CADPS2: variants seen among roughly 807,000 people sequenced by gnomAD.
CADPS2 encodes calcium dependent secretion activator 2.
A neutral mutation model predicts 172.5 loss-of-function variants in CADPS2; 93 were observed. That is an observed-to-expected ratio of 0.54 (90% CI 0.46 to 0.64). The LOEUF (loss-of-function observed/expected upper bound fraction) is 0.64, where lower values mean the gene tolerates loss of function less well. Ranked by LOEUF, CADPS2 falls within the 30% of genes least tolerant of loss-of-function variation. CADPS2 has a pLI of 0.00. For missense variants in CADPS2, 1,420 were observed against 1,565.9 expected (o/e 0.91, Z 1.57); for synonymous variants, 546 against 555.2 (o/e 0.98, Z 0.23).
At chr7:122,848,397 A>C (rs1175527275) in intron 1 of CADPS2, among the ~76,000 whole-genome samples, 1 of 152,176 alleles carries the variant, frequency 6.6e-6, no homozygotes, top group African/African-American at 2.4e-5. Flanking sequence ...AAACACTTGC[A>C]CAGCCTCCTA....
At chr7:122,854,196 C>T (rs773861884) in intron 1 of CADPS2, among the ~76,000 whole-genome samples, 3 of 151,922 alleles carry the variant, frequency 2.0e-5, no homozygotes, top group Admixed American at 6.6e-5. Flanking sequence ...CTGGTCTCCA[C>T]AAAAAATACA....
At chr7:122,570,654 C>G (rs1171721682) in intron 7 of CADPS2, among the ~76,000 whole-genome samples, 5 of 150,872 alleles carry the variant, frequency 3.3e-5, no homozygotes, top group Admixed American at 2.6e-4. Context: ...CAATGATAGA[C>G]TGGATTAAGA....
At chr7:122,380,644 G>C (rs1330988398) in intron 24 of CADPS2, among the ~76,000 whole-genome samples, 1 of 152,072 alleles carries the variant, frequency 6.6e-6, no homozygotes. Flanking sequence ...GATAATTTTG[G>C]AGTGTCTGAA....
chr7:122,641,664 GACTTAC>G (rs1373599241), intron 3 of CADPS2, among the ~76,000 whole-genome samples: 1 of 152,084 alleles, frequency 6.6e-6, no homozygotes, highest in Admixed American at 6.5e-5. Flanking sequence ...CACATCTTCA[GACTTAC>G]ACTTACAGAG....
chr7:122,361,744 C>T (rs1351448751), intron 25 of CADPS2, among the ~76,000 whole-genome samples: 1 of 151,410 alleles, frequency 6.6e-6, no homozygotes, highest in Non-Finnish European at 1.5e-5. Flanking sequence ...CATCCTTCAA[C>T]TTTTTCTACA....
At chr7:122,451,129 CAAGT>C (rs1586173805) in intron 15 of CADPS2, among the ~76,000 whole-genome samples, 1 of 151,940 alleles carries the variant, frequency 6.6e-6, no homozygotes, top group East Asian at 1.9e-4. Context: ...ATGCAAAAGG[CAAGT>C]AAGAGGTGCA....
At chr7:122,661,665 T>C (rs1203804153) in intron 3 of CADPS2, among the ~76,000 whole-genome samples, 1 of 152,182 alleles carries the variant, frequency 6.6e-6, no homozygotes, top group Non-Finnish European at 1.5e-5. Context: ...TGCAAATAAA[T>C]GACTTTTCTT....
intron 1 of CADPS2, among the ~76,000 whole-genome samples, chr7:122,761,016 C>G (rs577549853): frequency 1.3e-5 from 2 of 152,240 alleles, no homozygotes; most frequent in East Asian, 3.9e-4. Context: ...ACTTCTGGCA[C>G]TGTATGGGTA....
At chr7:122,850,850 C>T (rs1033515859) in intron 1 of CADPS2, among the ~76,000 whole-genome samples, 1 of 152,218 alleles carries the variant, frequency 6.6e-6, no homozygotes, top group African/African-American at 2.4e-5. Flanking sequence ...CTGTGGCTAA[C>T]ACCAGCATTT....
intron 1 of CADPS2, among the ~76,000 whole-genome samples, chr7:122,839,065 T>C (rs1378085127): frequency 6.6e-6 from 1 of 152,298 alleles, no homozygotes; most frequent in Non-Finnish European, 1.5e-5. Flanking sequence ...AGCACGGTGC[T>C]GGTACCAAAA....
chr7:122,611,675 A>G lies in CADPS2; in HGVS notation c.1223+3506T>C, dbSNP rs555005324. On this transcript the variant is annotated intron_variant, in intron 6 of 29. Coordinates refer to ENST00000449022, the MANE Select transcript of CADPS2 (RefSeq NM_017954.11). Reference sequence around the variant, plus strand: ...CTTTTAAAAAATACAAATTCTTCATACCTTTGAAAAAAATTGAAGGGTCCA... The same window carrying G: ...CTTTTAAAAAATACAAATTCTTCATGCCTTTGAAAAAAATTGAAGGGTCCA... Among the ~76,000 whole-genome samples, 230 of 152,066 alleles carry G rather than the reference A, an allele frequency of 1.5e-3. 1 individual carries two copies. Among genetic ancestry groups the G allele is most frequent in the Admixed American group, 4.3e-3 (66 of 15,238 alleles).
chr7:122,365,609 AT>A (rs1457883223), intron 25 of CADPS2, among the ~76,000 whole-genome samples: 1 of 152,132 alleles, frequency 6.6e-6, no homozygotes, highest in African/African-American at 2.4e-5. Flanking sequence ...ATAAACACTT[AT>A]GGGTTTGCCT....
At chr7:122,714,610 T>C (rs2089311481) in intron 2 of CADPS2, among the ~76,000 whole-genome samples, 1 of 152,062 alleles carries the variant, frequency 6.6e-6, no homozygotes, top group Admixed American at 6.6e-5. Flanking sequence ...AACAAATACA[T>C]ACAAGATGGG....
At chr7:122,732,853 ATAT>A (rs1378680108) in intron 2 of CADPS2, among the ~76,000 whole-genome samples, 8 of 145,168 alleles carry the variant, frequency 5.5e-5, no homozygotes, top group Admixed American at 3.5e-4. Context: ...TATGCTATGT[ATAT>A]TATATGATAT....
chr7:122,320,972 G>A (rs2032329975), intron 29 of CADPS2, among the ~76,000 whole-genome samples: 2 of 152,072 alleles, frequency 1.3e-5, no homozygotes, highest in Non-Finnish European at 1.5e-5. Context: ...CCATAGATGG[G>A]ACAGCAAAAC....
chr7:122,370,228 T>C (rs62474593), intron 25 of CADPS2, among the ~76,000 whole-genome samples: 34,981 of 152,034 alleles, frequency 0.23, 4,290 homozygotes, highest in Non-Finnish European at 0.26. Context: ...TTTATGTTTG[T>C]TAGTGTGTCT....
At chr7:122,596,661 C>A (rs191465448) in intron 6 of CADPS2, among the ~76,000 whole-genome samples, 4 of 152,162 alleles carry the variant, frequency 2.6e-5, no homozygotes, top group African/African-American at 9.6e-5. Flanking sequence ...CCACTGTAAA[C>A]AACATTGTGC....
chr7:122,782,548 C>T (rs1317271715), intron 1 of CADPS2, among the ~76,000 whole-genome samples: 2 of 152,156 alleles, frequency 1.3e-5, no homozygotes, highest in Non-Finnish European at 2.9e-5. Flanking sequence ...GATGTTGAGG[C>T]TGCAGTGAGG....
chr7:122,605,302 G>A (rs889592684), intron 6 of CADPS2, among the ~76,000 whole-genome samples: 4 of 151,966 alleles, frequency 2.6e-5, no homozygotes, highest in Admixed American at 6.6e-5. Flanking sequence ...CACTGAACTA[G>A]TAAAAAAATT....
Sources: allele counts gnomAD v4.1 joint callset (sites outside exome capture counted in the v4.1 genomes callset), GRCh38; gene constraint gnomAD v4.1.1; transcripts MANE v1.5; gene names NCBI Gene and HGNC (gene_info 2026-07-23, HGNC 2026-07-21).